GALK2: variants seen among roughly 807,000 people sequenced by gnomAD.
GALK2 encodes the protein N-acetylgalactosamine kinase.
Under a neutral mutation model 52.4 loss-of-function variants are expected in GALK2, and 36 were observed. The observed-to-expected ratio is 0.69, with a 90% CI of 0.53 to 0.91. The LOEUF (loss-of-function observed/expected upper bound fraction) is 0.91. Among genes scored for constraint, GALK2 ranks in the 40% least tolerant of loss-of-function variants. GALK2 has a pLI of 0.00. For synonymous variants in GALK2, 176 were observed against 199.1 expected (o/e 0.88, Z 0.98); for missense variants, 579 against 559.1 (o/e 1.04, Z -0.36).
intron 8 of GALK2, among the ~76,000 whole-genome samples, chr15:49,308,927 C>G (rs1049252786): frequency 6.6e-6 from 1 of 152,188 alleles, no homozygotes; most frequent in Non-Finnish European, 1.5e-5. Flanking sequence ...TTTTCCATCT[C>G]AGGGAAATCT....
chr15:49,260,220 C>A (rs1210517761), intron 5 of GALK2, among the ~76,000 whole-genome samples: 2 of 151,818 alleles, frequency 1.3e-5, no homozygotes, highest in African/African-American at 4.8e-5. Context: ...GTTCCTATTT[C>A]TCCACATCCT....
At position 49,201,247 on chromosome 15, in the gene GALK2, A is replaced by G. The variant is rs1183647845; in HGVS notation, c.139A>G (p.Ile47Val). The change falls in exon 2 of 10, where the codon ATA becomes GTA. Residue 47 changes from isoleucine (I) to valine (V), a missense_variant. By Grantham distance (29) the Ile-to-Val change is conservative (BLOSUM62 3). Transcript: ENST00000560031. ...TCGAGCACCAGGAAGAGTCAACATA[A>G]TAGGTATTTCAAAAGTTCCTTCTCT... ...YVRAPGRVNI[I>V]GEHIDYCGYS... 2 of 1,583,396 alleles carry G rather than the reference A, an allele frequency of 1.3e-6. No individual in the cohort carries two copies. Among genetic ancestry groups the G allele is most frequent in the African/African-American group, 1.3e-5 (1 of 74,274 alleles).
intron 5 of GALK2, among the ~76,000 whole-genome samples, chr15:49,247,008 T>C (rs773191636): frequency 2.0e-5 from 3 of 152,158 alleles, no homozygotes; most frequent in Non-Finnish European, 4.4e-5. Context: ...AATAAATATA[T>C]AATATCAGCT....
chr15:49,177,760 G>C, intron 1 of GALK2: 1 of 754,570 alleles, frequency 1.3e-6, no homozygotes, highest in Admixed American at 2.3e-5. Flanking sequence ...GACTGGTTTG[G>C]TGATCCACTG....
chr15:49,180,183 G>A (rs2085850688), intron 1 of GALK2, among the ~76,000 whole-genome samples: 1 of 152,128 alleles, frequency 6.6e-6, no homozygotes, highest in Non-Finnish European at 1.5e-5. Flanking sequence ...TAACTCTGCT[G>A]TTAGCACTTC....
chr15:49,173,068 C>T (rs1299723110), intron 1 of GALK2, among the ~76,000 whole-genome samples: 1 of 152,158 alleles, frequency 6.6e-6, no homozygotes, highest in African/African-American at 2.4e-5. Flanking sequence ...ATTCCCTTTC[C>T]CCTCACCTAG....
At chr15:49,173,740 T>A (rs555989822) in intron 1 of GALK2, among the ~76,000 whole-genome samples, 5 of 152,298 alleles carry the variant, frequency 3.3e-5, no homozygotes, top group African/African-American at 1.2e-4. Flanking sequence ...TATTTCACTA[T>A]TTTTACTTAT....
intron 3 of GALK2, among the ~76,000 whole-genome samples, chr15:49,231,584 A>C (rs1329812866): frequency 6.6e-6 from 1 of 152,236 alleles, no homozygotes; most frequent in Non-Finnish European, 1.5e-5. Flanking sequence ...CATCTGAGAC[A>C]AGGCAAGTCC....
intron 5 of GALK2, among the ~76,000 whole-genome samples, chr15:49,269,753 C>G (rs575653377): frequency 6.8e-4 from 104 of 152,246 alleles, no homozygotes; most frequent in African/African-American, 2.4e-3. Flanking sequence ...ATTTTCTACC[C>G]TCTGTTACCA....
intron 1 of GALK2, chr15:49,195,095 G>A (rs950718143): frequency 2.2e-6 from 1 of 451,802 alleles, no homozygotes; most frequent in African/African-American, 2.0e-5. Flanking sequence ...ATGGAGTCTC[G>A]CTCTGTCACC....
intron 3 of GALK2, chr15:49,367,314 G>A: frequency 1.3e-6 from 1 of 755,140 alleles, no homozygotes; most frequent in East Asian, 3.2e-5. Context: ...TTAAGCATAA[G>A]TAAATATTAA....
At chr15:49,262,762 T>C (rs2092182546) in intron 5 of GALK2, among the ~76,000 whole-genome samples, 2 of 147,414 alleles carry the variant, frequency 1.4e-5, no homozygotes, top group South Asian at 2.3e-4. Context: ...GATTCTGGTA[T>C]GTTGTGTCTT....
intron 5 of GALK2, among the ~76,000 whole-genome samples, chr15:49,253,969 G>C (rs1267751326): frequency 6.9e-6 from 1 of 143,904 alleles, no homozygotes; most frequent in African/African-American, 2.5e-5. Context: ...TGACAATAGG[G>C]ATGAATTTTC....
At chr15:49,287,737 G>T (rs1379921623) in intron 7 of GALK2, among the ~76,000 whole-genome samples, 1 of 152,176 alleles carries the variant, frequency 6.6e-6, no homozygotes. Context: ...AGACTGATCA[G>T]CTAGGGCTCC....
At chr15:49,358,446 GACAA>G (rs1332722738) in intron 3 of GALK2, among the ~76,000 whole-genome samples, 11 of 138,174 alleles carry the variant, frequency 8.0e-5, no homozygotes, top group Admixed American at 5.0e-4. Context: ...ACCAACAACA[GACAA>G]ACAGAGAGCC....
chr15:49,242,176 C>T (rs527609653), intron 5 of GALK2, among the ~76,000 whole-genome samples: 3 of 152,176 alleles, frequency 2.0e-5, no homozygotes, highest in South Asian at 4.2e-4. Flanking sequence ...TCAAAATGCT[C>T]CTTTTACTGA....
intron 2 of GALK2, among the ~76,000 whole-genome samples, chr15:49,204,591 A>C (rs972024759): frequency 2.0e-5 from 3 of 151,766 alleles, no homozygotes; most frequent in Non-Finnish European, 4.4e-5. Context: ...TTTTTTAGCT[A>C]TTTCAAATGG....
At chr15:49,204,626 A>G (rs1396811830) in intron 2 of GALK2, among the ~76,000 whole-genome samples, 2 of 151,766 alleles carry the variant, frequency 1.3e-5, no homozygotes, top group African/African-American at 4.8e-5. Flanking sequence ...TTTCTTTTTC[A>G]GGTAGTCTGT....
intron 3 of GALK2, among the ~76,000 whole-genome samples, chr15:49,231,996 C>G (rs970605372): frequency 2.0e-5 from 3 of 152,234 alleles, no homozygotes; most frequent in Non-Finnish European, 4.4e-5. Context: ...GCCCTCTTCT[C>G]ACAGCTCCAC....
Sources: allele counts gnomAD v4.1 joint callset (sites outside exome capture counted in the v4.1 genomes callset), GRCh38; gene constraint gnomAD v4.1.1; transcripts MANE v1.5; gene names NCBI Gene and HGNC (gene_info 2026-07-23, HGNC 2026-07-21).